Variants in CTNNA3 observed in about 807,000 individuals in gnomAD.
The protein encoded by CTNNA3 is catenin alpha 3, also known as catenin alpha-3.
CTNNA3 carries 76 observed loss-of-function variants against 95.7 expected under a neutral mutation model. The ratio of observed to expected loss-of-function variants is 0.79; its 90% CI spans 0.66 to 0.96. The LOEUF (loss-of-function observed/expected upper bound fraction) is 0.96. CTNNA3 is among the 40% of genes least tolerant of loss of function. CTNNA3 has a pLI of 0.00. For missense variants in CTNNA3, 1,191 were observed against 1,089.8 expected, an observed-to-expected ratio of 1.09 and a Z score of -1.31; for synonymous variants, 431 against 374.4, an observed-to-expected ratio of 1.15 and a Z score of -1.74.
chr10:66,681,716 T>C (rs4447057), intron 9 of CTNNA3, among the ~76,000 whole-genome samples: 136,726 of 152,228 alleles, frequency 0.9, 61,609 homozygotes, highest in East Asian at 1. Flanking sequence ...TGAATGTTTG[T>C]CAATATTTGG....
At chr10:67,282,284 C>G (rs1345331030) in intron 5 of CTNNA3, among the ~76,000 whole-genome samples, 1 of 152,108 alleles carries the variant, frequency 6.6e-6, no homozygotes, top group Non-Finnish European at 1.5e-5. Flanking sequence ...CAAAAATGTT[C>G]CTAAGCCTAG....
chr10:65,998,174 G>A (rs56133545), intron 15 of CTNNA3, among the ~76,000 whole-genome samples: 40,014 of 151,994 alleles, frequency 0.26, 6,720 homozygotes, highest in African/African-American at 0.48. Context: ...TTTTGGAGAA[G>A]TTTTCCATTT....
chr10:66,299,213 C>A (rs781081720), intron 12 of CTNNA3, among the ~76,000 whole-genome samples: 1 of 152,088 alleles, frequency 6.6e-6, no homozygotes, highest in Non-Finnish European at 1.5e-5. Context: ...GTGTTCTCAC[C>A]ATCTTAGATG....
chr10:67,609,115 C>G (rs111420460), intron 2 of CTNNA3, among the ~76,000 whole-genome samples: 8,726 of 139,192 alleles, frequency 0.063, 301 homozygotes, highest in South Asian at 0.1. Context: ...AAAAAACAAC[C>G]CATTTCTTAA....
At chr10:66,334,419 C>A (rs115964705) in intron 12 of CTNNA3, among the ~76,000 whole-genome samples, 2,219 of 149,968 alleles carry the variant, frequency 0.015, 54 homozygotes, top group African/African-American at 0.052. Context: ...TTTGTCACCA[C>A]CAGGCCTGGT....
chr10:66,749,900 T>A (rs1839061680), intron 9 of CTNNA3, among the ~76,000 whole-genome samples: 1 of 152,230 alleles, frequency 6.6e-6, no homozygotes, highest in South Asian at 2.1e-4. Flanking sequence ...TATCTTGGAT[T>A]TTGGCCATTT....
intron 10 of CTNNA3, among the ~76,000 whole-genome samples, chr10:66,584,258 T>C (rs1843287693): frequency 6.6e-6 from 1 of 151,946 alleles, no homozygotes; most frequent in Non-Finnish European, 1.5e-5. Flanking sequence ...TGATGATCTC[T>C]CTAGTGCTGT....
chr10:66,881,543 C>A (rs1403846933), intron 7 of CTNNA3, among the ~76,000 whole-genome samples: 1 of 152,100 alleles, frequency 6.6e-6, no homozygotes, highest in African/African-American at 2.4e-5. Flanking sequence ...AGCACTTCAT[C>A]TGTACCCAGA....
At chr10:66,504,675 T>G (rs907210943) in intron 11 of CTNNA3, among the ~76,000 whole-genome samples, 2 of 152,140 alleles carry the variant, frequency 1.3e-5, no homozygotes, top group Admixed American at 1.3e-4. Context: ...ATATTAACGA[T>G]TTTTCCTCAT....
intron 1 of CTNNA3, among the ~76,000 whole-genome samples, chr10:67,746,980 T>C (rs1166935143): frequency 6.6e-6 from 1 of 152,176 alleles, no homozygotes; most frequent in African/African-American, 2.4e-5. Context: ...CCAAGAGGTA[T>C]TCCCCACAGT....
At chr10:67,344,018 T>C (rs182834351) in intron 5 of CTNNA3, among the ~76,000 whole-genome samples, 1 of 150,774 alleles carries the variant, frequency 6.6e-6, no homozygotes, top group Admixed American at 6.6e-5. Context: ...TATACCCAGG[T>C]TTTTTAGGGT....
At chr10:66,586,189 T>C (rs946589407) in intron 10 of CTNNA3, among the ~76,000 whole-genome samples, 2 of 152,126 alleles carry the variant, frequency 1.3e-5, no homozygotes, top group African/African-American at 4.8e-5. Flanking sequence ...GTGTGCACCT[T>C]TAAAAGTTTT....
chr10:67,402,625 A>G (rs1044190143), intron 5 of CTNNA3, among the ~76,000 whole-genome samples: 2 of 152,210 alleles, frequency 1.3e-5, no homozygotes, highest in Admixed American at 6.5e-5. Context: ...ACGCAAAGCC[A>G]AGGGAACCCC....
At chr10:66,038,597 CAG>C (rs1207876049) in intron 15 of CTNNA3, among the ~76,000 whole-genome samples, 4 of 152,166 alleles carry the variant, frequency 2.6e-5, no homozygotes, top group African/African-American at 9.7e-5. Flanking sequence ...GAGTCAATTT[CAG>C]AGGATTTTCA....
intron 7 of CTNNA3, among the ~76,000 whole-genome samples, chr10:66,868,913 C>A (rs370344372): frequency 6.6e-6 from 1 of 152,152 alleles, no homozygotes; most frequent in South Asian, 2.1e-4. Flanking sequence ...TTTTAAAATG[C>A]TAGAAGAAAC....
intron 7 of CTNNA3, among the ~76,000 whole-genome samples, chr10:66,923,316 T>C (rs1378153389): frequency 2.3e-4 from 35 of 152,202 alleles, no homozygotes; most frequent in Admixed American, 2.3e-3. Flanking sequence ...TGTTCTTCTG[T>C]CAATGGGAAG....
intron 12 of CTNNA3, among the ~76,000 whole-genome samples, chr10:66,283,937 T>C (rs1174863904): frequency 6.6e-6 from 1 of 151,858 alleles, no homozygotes; most frequent in Non-Finnish European, 1.5e-5. Flanking sequence ...ATAATCTACC[T>C]AGGTTTTCAG....
chr10:67,211,404 A>G (rs890900504), intron 6 of CTNNA3, among the ~76,000 whole-genome samples: 1 of 152,202 alleles, frequency 6.6e-6, no homozygotes, highest in African/African-American at 2.4e-5. Flanking sequence ...CAAGAAGCCA[A>G]GAGCAAACAA....
intron 5 of CTNNA3, among the ~76,000 whole-genome samples, chr10:67,359,325 AG>A (rs1842921177): frequency 1.3e-5 from 2 of 152,094 alleles, no homozygotes; most frequent in African/African-American, 4.8e-5. Context: ...TAATTAAAAA[AG>A]TCAGAGTGTT....
Sources: gnomAD v4.1 joint callset for allele counts (sites outside exome capture counted in the v4.1 genomes callset) on GRCh38, gnomAD v4.1.1 for gene constraint, MANE v1.5 for transcripts, NCBI Gene and HGNC (gene_info 2026-07-23, HGNC 2026-07-21) for gene names.